Variants in CSMD3 observed in about 807,000 individuals in gnomAD.
CSMD3 encodes the protein CUB and sushi domain-containing protein 3.
In CSMD3, 177 loss-of-function variants were observed where a neutral mutation model predicts 435.2. The observed-to-expected ratio is 0.41, with a 90% confidence interval of 0.36 to 0.46. The LOEUF (loss-of-function observed/expected upper bound fraction) is 0.46. CSMD3 is among the 20% of genes least tolerant of loss of function. CSMD3 has a pLI of 0.34. For missense variants in CSMD3, 4,265 were observed against 4,504.6 expected (o/e 0.95, Z 1.52); for synonymous variants, 1,656 against 1,520.5 (o/e 1.09, Z -2.07).
intron 10 of CSMD3, among the ~76,000 whole-genome samples, chr8:112,887,504 T>C (rs998389644): frequency 6.6e-6 from 1 of 151,616 alleles, no homozygotes; most frequent in South Asian, 2.1e-4. Context: ...ATTTTTTTCA[T>C]GTTTAAACAG....
chr8:113,126,930 T>G (rs1473134717), intron 4 of CSMD3, among the ~76,000 whole-genome samples: 1 of 151,930 alleles, frequency 6.6e-6, no homozygotes, highest in African/African-American at 2.4e-5. Flanking sequence ...TCCCCTCTTG[T>G]TTTTTTCATT....
intron 15 of CSMD3, among the ~76,000 whole-genome samples, chr8:112,684,796 T>C (rs957384038): frequency 4.6e-5 from 7 of 152,164 alleles, no homozygotes; most frequent in African/African-American, 1.7e-4. Flanking sequence ...AAGTAATATG[T>C]ACTCTGTGCT....
chr8:112,586,727 C>T (rs1018496758), intron 23 of CSMD3, among the ~76,000 whole-genome samples: 3 of 150,968 alleles, frequency 2.0e-5, no homozygotes, highest in Admixed American at 6.6e-5. Context: ...CATTACATGA[C>T]GGTCATTTGA....
intron 10 of CSMD3, among the ~76,000 whole-genome samples, chr8:112,874,366 G>C (rs1006472720): frequency 1.3e-5 from 2 of 152,000 alleles, no homozygotes; most frequent in African/African-American, 4.8e-5. Flanking sequence ...GATGTGCTGA[G>C]AAGAATGTAT....
Position 113,123,380 on chromosome 8 carries a change from A to C in CSMD3, c.710-24417T>G, listed in dbSNP as rs139914345. On this transcript the variant is annotated intron_variant, in intron 4 of 70. Coordinates refer to ENST00000297405, the MANE Select transcript of CSMD3 (RefSeq NM_198123.2). Reference sequence around the variant, plus strand: ...AATATCAACTAAATGAGGAGTCAGCAAACTATGGCTTCTGGGCCAAATCTG... The same window carrying C: ...AATATCAACTAAATGAGGAGTCAGCCAACTATGGCTTCTGGGCCAAATCTG... Among the ~76,000 whole-genome samples, 711 of 152,248 alleles carry C rather than the reference A, an allele frequency of 4.7e-3. 5 individuals are homozygous for C. The highest frequency in any genetic ancestry group is 0.015 in the African/African-American group (621 of 41,568).
At chr8:112,342,971 T>TTATATATATA (rs1159933349) in intron 41 of CSMD3, among the ~76,000 whole-genome samples, 52 of 92,384 alleles carry the variant, frequency 5.6e-4, no homozygotes, top group African/African-American at 2.0e-3. Flanking sequence ...TTGAAATGTA[T>TTATATATATA]TATATATATA....
At chr8:113,331,567 A>C (rs2132772597) in intron 1 of CSMD3, among the ~76,000 whole-genome samples, 1 of 151,930 alleles carries the variant, frequency 6.6e-6, no homozygotes, top group Non-Finnish European at 1.5e-5. Flanking sequence ...AGCAAAATAA[A>C]AAAATAATCA....
chr8:112,375,845 C>T (rs1828892044), intron 38 of CSMD3, among the ~76,000 whole-genome samples: 1 of 152,102 alleles, frequency 6.6e-6, no homozygotes, highest in African/African-American at 2.4e-5. Flanking sequence ...GCACCTATAA[C>T]AAAGTCAAAT....
chr8:113,334,313 C>T lies in CSMD3; in HGVS notation c.179-19520G>A, dbSNP rs549468801. Among the ~76,000 whole-genome samples the T allele has an allele frequency of 2.1e-5, 3 of 139,650 alleles. No individual in the cohort carries two copies. The South Asian group carries it at 6.8e-4, about 32-fold the overall frequency. The allele number at this position is 139,650 out of a possible 152,430, so 91.6% of individuals were successfully genotyped here. ...TTTTTTTTCATTTCCAGCCTGTGTACCTGTTACATATTTCCTTGTATTGGG... is the reference window on the plus strand; with the variant it reads ...TTTTTTTTCATTTCCAGCCTGTGTATCTGTTACATATTTCCTTGTATTGGG... On this transcript the variant is annotated intron_variant, in intron 1 of 70. Transcript: ENST00000297405.
intron 11 of CSMD3, among the ~76,000 whole-genome samples, chr8:112,855,809 C>CTTTTTTTTTTTTTT (rs34885472): frequency 2.2e-5 from 3 of 135,572 alleles, no homozygotes. Flanking sequence ...CTTAGCGAAG[C>CTTTTTTTTTTTTTT]TTTTTTTTTT....
At chr8:112,583,535 G>A (rs1586734388) in intron 23 of CSMD3, among the ~76,000 whole-genome samples, 1 of 151,892 alleles carries the variant, frequency 6.6e-6, no homozygotes, top group East Asian at 1.9e-4. Flanking sequence ...GCAGTGTCAA[G>A]TGAAATCCAA....
rs976566165 is a variant in CSMD3, at chr8:113,204,283, A to G, written c.515-30367T>C. 2.9e-4 allele frequency among the ~76,000 whole-genome samples: 44 copies of G among 152,234 alleles called. 2 individuals are homozygous for G. The highest frequency in any genetic ancestry group is 2.7e-3 in the Admixed American group (41 of 15,276). On this transcript the variant is annotated intron_variant, in intron 3 of 70. Coordinates refer to ENST00000297405, the MANE Select transcript of CSMD3 (RefSeq NM_198123.2). ...GGCTAAGGAAGAGCCAGAGAGCTTCATGGTATTTCCCTATATCACAGAACT... is the reference window on the plus strand; with the variant it reads ...GGCTAAGGAAGAGCCAGAGAGCTTCGTGGTATTTCCCTATATCACAGAACT...
chr8:112,684,156 G>A (rs1402269747), intron 15 of CSMD3, among the ~76,000 whole-genome samples: 1 of 151,698 alleles, frequency 6.6e-6, no homozygotes, highest in Non-Finnish European at 1.5e-5. Flanking sequence ...ATGCATTTAA[G>A]ACAAAATAAA....
chr8:112,612,736 T>C (rs1014147524), intron 22 of CSMD3, among the ~76,000 whole-genome samples: 4 of 101,152 alleles, frequency 4.0e-5, no homozygotes, highest in African/African-American at 8.4e-5. Flanking sequence ...TTTTTTTTTT[T>C]CAGATGGAGT....
intron 5 of CSMD3, among the ~76,000 whole-genome samples, chr8:113,095,091 A>G (rs895043294): frequency 1.8e-4 from 27 of 152,108 alleles, no homozygotes; most frequent in African/African-American, 6.3e-4. Flanking sequence ...AAAATCACAT[A>G]TACCCCAAAA....
chr8:112,538,348 C>T (rs1346553016), intron 27 of CSMD3, among the ~76,000 whole-genome samples: 2 of 151,686 alleles, frequency 1.3e-5, no homozygotes, highest in Admixed American at 6.6e-5. Context: ...AAAGTCCTGC[C>T]CAGATCAATT....
intron 3 of CSMD3, among the ~76,000 whole-genome samples, chr8:113,185,626 T>C (rs192932525): frequency 1.8e-4 from 27 of 152,214 alleles, no homozygotes; most frequent in African/African-American, 6.3e-4. Context: ...CTGAGGAGGA[T>C]ATATCTTTGC....
chr8:112,349,271 G>A (rs1408474558), intron 40 of CSMD3, among the ~76,000 whole-genome samples: 2 of 151,986 alleles, frequency 1.3e-5, no homozygotes, highest in Non-Finnish European at 2.9e-5. Context: ...TTCAAATTTT[G>A]TTTGTTTCAG....
intron 5 of CSMD3, among the ~76,000 whole-genome samples, chr8:113,038,942 T>C (rs539808966): frequency 3.9e-5 from 6 of 152,302 alleles, no homozygotes; most frequent in Admixed American, 1.3e-4. Flanking sequence ...ACTATTAACA[T>C]GACAAATGGG....
Sources: gnomAD v4.1 joint callset for allele counts (sites outside exome capture counted in the v4.1 genomes callset) on GRCh38, gnomAD v4.1.1 for gene constraint, MANE v1.5 for transcripts, NCBI Gene and HGNC (gene_info 2026-07-23, HGNC 2026-07-21) for gene names.